Variants in DOCK6 observed in about 807,000 individuals in gnomAD.
DOCK6 encodes the protein dedicator of cytokinesis protein 6.
In DOCK6, 167 loss-of-function variants were observed where a neutral mutation model predicts 230.3. The ratio of observed to expected loss-of-function variants is 0.73; its 90% confidence interval spans 0.64 to 0.82. The LOEUF (loss-of-function observed/expected upper bound fraction) is 0.82, where lower values mean the gene tolerates loss of function less well. DOCK6 is among the 40% of genes least tolerant of loss of function. The pLI, the probability that DOCK6 is intolerant of heterozygous loss-of-function variation, is 0.00. For synonymous variants in DOCK6, 1,148 were observed against 1,185.0 expected, an observed-to-expected ratio of 0.97 and a Z score of 0.64; for missense variants, 2,598 against 2,825.8, an observed-to-expected ratio of 0.92 and a Z score of 1.83.
intron 4 of DOCK6, 67 bp from the exon 5 acceptor site, chr19:11,252,315 T>C (rs1297906327): frequency 4.5e-6 from 7 of 1,564,188 alleles, no homozygotes; most frequent in East Asian, 4.6e-5. Flanking sequence ...CAGTGTGTTC[T>C]GACACACCTA....
At chr19:11,212,690 G>C (rs1056854115) in intron 35 of DOCK6, among the ~76,000 whole-genome samples, 1 of 150,280 alleles carries the variant, frequency 6.7e-6, no homozygotes, top group Non-Finnish European at 1.5e-5. Context: ...AGCCTTCCAA[G>C]TAGCTGGGAT....
At chr19:11,238,143 A>G (rs1599259964) in intron 15 of DOCK6, 28 bp from the exon 16 acceptor site, 2 of 1,613,758 alleles carry the variant, frequency 1.2e-6, no homozygotes, top group South Asian at 1.1e-5. Context: ...TGAGGGACCC[A>G]TGGGGGATGC....
intron 40 of DOCK6, 23 bp downstream of exon 40, chr19:11,204,177 T>C: frequency 7.5e-7 from 1 of 1,340,124 alleles, no homozygotes; most frequent in Non-Finnish European, 1.0e-6. Context: ...GGGTGGGGTC[T>C]GGGGAGGGGG....
chr19:11,213,227 G>A lies in DOCK6; in HGVS notation c.4440C>T (p.His1480=), dbSNP rs776069062. 5.6e-6 allele frequency: 9 copies of A among 1,613,100 alleles called. No individual in the cohort carries two copies. Among genetic ancestry groups the A allele is most frequent in the African/African-American group, 4.0e-5 (3 of 74,930 alleles). The change falls in exon 35 of 48, where the codon CAC becomes CAT. Residue 1480 remains histidine, a synonymous_variant. Coordinates refer to ENST00000294618, the MANE Select transcript of DOCK6 (RefSeq NM_020812.4). ...CGSRISTIRT[H]ASASLYLLMR... ...TGAGCAGGTACAGCGAGGCGCTGGC[G>A]TGCGTGCGGATGGTGCTGATGCGGC...
intron 39 of DOCK6, among the ~76,000 whole-genome samples, chr19:11,207,167 G>T (rs2079276311): frequency 6.6e-6 from 1 of 152,086 alleles, no homozygotes; most frequent in African/African-American, 2.4e-5. Flanking sequence ...TCTCCAACTT[G>T]AAGATGCATG....
In DOCK6 at chr19:11,253,448, G is replaced by A. The variant is rs73506672; in HGVS notation, c.132+191C>T. ...GGTGACAAGCAGCGGCAGGGAGAGT[G>A]GCCACAGGAATTGGTGAGACTACTA... On this transcript the variant is annotated intron_variant, in intron 2 of 47. Coordinates refer to ENST00000294618, the MANE Select transcript of DOCK6 (RefSeq NM_020812.4). 0.029 allele frequency among the ~76,000 whole-genome samples: 4,380 copies of A among 152,152 alleles called. 221 individuals carry two copies. Among genetic ancestry groups the A allele is most frequent in the African/African-American group, 0.099 (4,120 of 41,482 alleles).
At position 11,233,512 on chromosome 19, in the gene DOCK6, G is replaced by C; in HGVS notation, c.2555-146C>G. On this transcript the variant is annotated intron_variant, in intron 21 of 47. Transcript: ENST00000294618. ...CTATAAAATAGGCATAATGGCTGCC[G>C]CCTCACAGAGATTGGGGGGGCACTG... 8 of 1,057,238 alleles carry C rather than the reference G, an allele frequency of 7.6e-6. 1 individual carries two copies. The highest frequency in any genetic ancestry group is 1.7e-5 in the South Asian group (1 of 57,374). 65.5% of individuals were successfully genotyped at this position (1,057,238 alleles called of 1,614,324 possible). A position where few individuals can be genotyped will look rare whatever the true frequency, so the allele number is the denominator to read the frequency against.
At chr19:11,204,843 C>T (rs570012307) in intron 39 of DOCK6, among the ~76,000 whole-genome samples, 2 of 152,142 alleles carry the variant, frequency 1.3e-5, no homozygotes, top group Admixed American at 6.5e-5. Context: ...CTCTCCCAGC[C>T]CTTCACCACT....
intron 5 of DOCK6, 156 bp downstream of exon 5, chr19:11,251,963 T>C: frequency 9.1e-7 from 1 of 1,100,468 alleles, no homozygotes; most frequent in Non-Finnish European, 1.3e-6. Flanking sequence ...AATAAATGTT[T>C]ATAATTATGA....
chr19:11,235,182 C>T (rs1279043642), intron 21 of DOCK6, among the ~76,000 whole-genome samples: 1 of 152,186 alleles, frequency 6.6e-6, no homozygotes, highest in Non-Finnish European at 1.5e-5. Context: ...GTGGCATGAC[C>T]TTGGCTCACT....
At position 11,222,806 on chromosome 19, in the gene DOCK6, G is replaced by A; in HGVS notation, c.3169C>T (p.Leu1057Phe). 1 of 1,590,918 alleles carries A rather than the reference G, an allele frequency of 6.3e-7. No homozygotes were observed. The change falls in exon 26 of 48, where the codon CTC becomes TTC. Residue 1057 changes from leucine to phenylalanine, a missense_variant. By Grantham distance (22) the Leu-to-Phe change is conservative. Coordinates refer to ENST00000294618, the MANE Select transcript of DOCK6 (RefSeq NM_020812.4). This position sits in a 1 kb window ranked among gnomAD's most constrained non-coding sequence, Gnocchi z 4.0. ...GACAGGGGGCAGCAGGGGAGGTTGA[G>A]GGTCACGTAGTGCTCGTGGCTGCAC... is the stretch of plus-strand genomic sequence containing the variant. ...ILCSHEHYVT[L>F]NLPCCPLSPP... is the part of the protein sequence containing the mutation.
chr19:11,243,285 C>T lies in DOCK6; in HGVS notation c.1359G>A (p.Thr453=), dbSNP rs1483638657. ...ACSFSGFRPA[T]LTVTNFFKQE... is the part of the protein sequence containing the mutation. ...GCTTAAAGAAGTTTGTGACAGTTAG[C>T]GTGGCTGGACGGAAGCCAGAGAAGC... The change falls in exon 12 of 48, where the codon ACG becomes ACA. Residue 453 remains threonine, a synonymous_variant. Coordinates refer to ENST00000294618, the MANE Select transcript of DOCK6 (RefSeq NM_020812.4). The surrounding 1 kb of genome is among the most constrained non-coding windows in gnomAD (Gnocchi z 6.3). 4 of 1,606,834 alleles carry T rather than the reference C, an allele frequency of 2.5e-6. No individual in the cohort carries two copies. The highest frequency in any genetic ancestry group is 2.7e-5 in the African/African-American group (2 of 74,808).
At chr19:11,247,838 A>G (rs1339970609) in intron 7 of DOCK6, 2 of 527,182 alleles carry the variant, frequency 3.8e-6, no homozygotes, top group Non-Finnish European at 6.9e-6. Context: ...GGGTTCATAT[A>G]CATGAAAGGC....
chr19:11,204,884 G>A (rs1600847681), intron 39 of DOCK6, among the ~76,000 whole-genome samples: 5 of 152,140 alleles, frequency 3.3e-5, no homozygotes, highest in Admixed American at 2.6e-4. Flanking sequence ...GCACAGGTAC[G>A]ATGTACATCT....
chr19:11,199,428 C>T lies in DOCK6; in HGVS notation c.*69G>A, dbSNP rs1470369406. ...AGCCCAGTGGGCACCAGGGCAGACT[C>T]CCCTCGCAGCACAGACAGCTGAGGC... On this transcript the variant is annotated 3_prime_UTR_variant, in exon 48 of 48. Transcript: ENST00000294618. The T allele has an allele frequency of 6.5e-7, 1 of 1,537,812 alleles. No homozygotes were observed.
At chr19:11,245,763 C>T (rs2080022440) in intron 8 of DOCK6, 49 bp downstream of exon 8, 1 of 1,604,074 alleles carries the variant, frequency 6.2e-7, no homozygotes, top group African/African-American at 1.3e-5. Context: ...GCCCACAGCC[C>T]CCCAACAAGG....
At chr19:11,206,835 T>G (rs1415465759) in intron 39 of DOCK6, among the ~76,000 whole-genome samples, 3 of 18,156 alleles carry the variant, frequency 1.7e-4, no homozygotes, top group African/African-American at 9.1e-4. Flanking sequence ...TTTGTGGTGG[T>G]TTTTTTTTTT....
chr19:11,227,186 A>T, intron 24 of DOCK6, 151 bp downstream of exon 24: 1 of 1,116,534 alleles, frequency 9.0e-7, no homozygotes, highest in Non-Finnish European at 1.3e-6. Context: ...ACAGGCACTT[A>T]AGAAACAGAC....
intron 14 of DOCK6, chr19:11,239,862 ACTC>A: frequency 6.3e-7 from 1 of 1,598,014 alleles, no homozygotes; most frequent in Non-Finnish European, 8.5e-7. Context: ...GCACAATAGA[ACTC>A]CTGGGGCAGG....
Sources: gnomAD v4.1 joint callset for allele counts (sites outside exome capture counted in the v4.1 genomes callset) on GRCh38, gnomAD v4.1.1 for gene constraint, Gnocchi (gnomAD v3.1) non-coding constraint, MANE v1.5 for transcripts, NCBI Gene and HGNC (gene_info 2026-07-23, HGNC 2026-07-21) for gene names.